The following LMNTD1 variants were observed in gnomAD, a reference collection of about 807,000 sequenced individuals.
LMNTD1 encodes the protein lamin tail domain containing 1.
Under a neutral mutation model 50.9 loss-of-function variants are expected in LMNTD1, and 35 were observed. The ratio of observed to expected loss-of-function variants is 0.69; its 90% CI spans 0.53 to 0.91. The LOEUF (loss-of-function observed/expected upper bound fraction) is 0.91, where lower values mean the gene tolerates loss of function less well. Ranked by LOEUF, LMNTD1 falls within the 40% of genes least tolerant of loss-of-function variation. The pLI, the probability that LMNTD1 is intolerant of heterozygous loss-of-function variation, is 0.00. For missense variants in LMNTD1, 470 were observed against 475.5 expected (o/e 0.99, Z 0.11); for synonymous variants, 153 against 161.9 (o/e 0.94, Z 0.42).
intron 9 of LMNTD1, among the ~76,000 whole-genome samples, chr12:25,489,249 A>G (rs1286249424): frequency 6.7e-6 from 1 of 150,092 alleles, no homozygotes; most frequent in Non-Finnish European, 1.5e-5. Flanking sequence ...TTGCAGTTTG[A>G]TCTCAGACTG....
chr12:25,509,831 C>T (rs1308094515), intron 8 of LMNTD1, among the ~76,000 whole-genome samples: 3 of 152,138 alleles, frequency 2.0e-5, no homozygotes, highest in African/African-American at 7.2e-5. Flanking sequence ...CAAGGAGTAT[C>T]AAGGAATGCC....
intron 8 of LMNTD1, among the ~76,000 whole-genome samples, chr12:25,504,763 G>A (rs1298145022): frequency 2.6e-5 from 4 of 152,130 alleles, no homozygotes; most frequent in Admixed American, 6.5e-5. Flanking sequence ...TGATTATCAC[G>A]GTAATTTTCT....
chr12:25,645,305 G>T (rs994336389), intron 1 of LMNTD1, among the ~76,000 whole-genome samples: 1 of 152,248 alleles, frequency 6.6e-6, no homozygotes, highest in East Asian at 1.9e-4. Context: ...GCAAGGTTTC[G>T]AGAGTAGTGA....
intron 6 of LMNTD1, among the ~76,000 whole-genome samples, chr12:25,521,364 G>C (rs1941308154): frequency 6.6e-6 from 1 of 152,060 alleles, no homozygotes; most frequent in Non-Finnish European, 1.5e-5. Context: ...CTTACGTTTA[G>C]GTCTTTTAGC....
intron 1 of LMNTD1, among the ~76,000 whole-genome samples, chr12:25,642,412 A>C (rs1201274897): frequency 2.6e-5 from 4 of 152,346 alleles, no homozygotes; most frequent in Admixed American, 6.5e-5. Flanking sequence ...GAGAAGACAG[A>C]CAGCCATCTA....
intron 1 of LMNTD1, among the ~76,000 whole-genome samples, chr12:25,612,476 A>G (rs887038357): frequency 1.2e-4 from 19 of 152,158 alleles, no homozygotes; most frequent in Non-Finnish European, 2.9e-5. Context: ...TCCTACTGCT[A>G]TTCAAGGCTT....
At chr12:25,505,019 A>G (rs1449788389) in intron 8 of LMNTD1, among the ~76,000 whole-genome samples, 1 of 152,236 alleles carries the variant, frequency 6.6e-6, no homozygotes, top group African/African-American at 2.4e-5. Flanking sequence ...CTAAGAACAA[A>G]GGTTTTCAAT....
intron 4 of LMNTD1, among the ~76,000 whole-genome samples, chr12:25,532,756 A>G (rs367706623): frequency 2.6e-5 from 4 of 152,248 alleles, no homozygotes; most frequent in South Asian, 2.1e-4. Flanking sequence ...CATTATCATT[A>G]TGGTTCTTAC....
intron 1 of LMNTD1, among the ~76,000 whole-genome samples, chr12:25,620,189 G>A (rs911176339): frequency 2.6e-5 from 4 of 152,128 alleles, no homozygotes; most frequent in African/African-American, 9.7e-5. Context: ...ACAAGTGATT[G>A]CGTTTTAGAT....
chr12:25,513,750 C>G (rs1565954771), intron 8 of LMNTD1, among the ~76,000 whole-genome samples: 2 of 151,266 alleles, frequency 1.3e-5, no homozygotes, highest in South Asian at 4.2e-4. Context: ...TAATTTTCCT[C>G]TTCTTTAAAA....
intron 1 of LMNTD1, among the ~76,000 whole-genome samples, chr12:25,633,188 A>G (rs117086889): frequency 0.02 from 3,102 of 152,282 alleles, 90 homozygotes; most frequent in Admixed American, 0.084. Flanking sequence ...AATTAATAAT[A>G]GACCTAAGAA....
At chr12:25,530,327 A>C (rs931323804) in intron 4 of LMNTD1, among the ~76,000 whole-genome samples, 2 of 152,148 alleles carry the variant, frequency 1.3e-5, no homozygotes, top group African/African-American at 2.4e-5. Context: ...ACTGTGATAA[A>C]ATTTATCCAT....
intron 4 of LMNTD1, 67 bp from the exon 5 acceptor site, chr12:25,527,022 A>G: frequency 2.7e-6 from 3 of 1,121,194 alleles, no homozygotes; most frequent in Non-Finnish European, 3.8e-6. Context: ...CACTTTAAGA[A>G]GTGATTAATA....
chr12:25,600,991 C>G (rs1268196251), intron 1 of LMNTD1, among the ~76,000 whole-genome samples: 3 of 151,862 alleles, frequency 2.0e-5, no homozygotes, highest in Non-Finnish European at 4.4e-5. Context: ...AAGGAGATAT[C>G]TGCACCCCCA....
At chr12:25,608,577 C>G (rs576020014) in intron 1 of LMNTD1, among the ~76,000 whole-genome samples, 1 of 152,320 alleles carries the variant, frequency 6.6e-6, no homozygotes, top group South Asian at 2.1e-4. Context: ...GATTTCATTT[C>G]TCCTTCACTT....
chr12:25,626,514 T>C (rs1372874478), intron 1 of LMNTD1, among the ~76,000 whole-genome samples: 2 of 152,204 alleles, frequency 1.3e-5, no homozygotes, highest in African/African-American at 2.4e-5. Context: ...GGGATTGTTA[T>C]GACTTTTTTT....
intron 9 of LMNTD1, among the ~76,000 whole-genome samples, chr12:25,502,457 C>T (rs759839328): frequency 6.6e-5 from 10 of 152,166 alleles, no homozygotes; most frequent in East Asian, 3.9e-4. Flanking sequence ...TCAGGATCTC[C>T]GGGAGCAAGG....
chr12:25,640,503 CA>C (rs199647514), intron 1 of LMNTD1, among the ~76,000 whole-genome samples: 7,728 of 113,336 alleles, frequency 0.068, 209 homozygotes, highest in Middle Eastern at 0.25. Flanking sequence ...GAGACTGTCT[CA>C]AAAAAAAAAA....
At chr12:25,602,812 G>C (rs922446763) in intron 1 of LMNTD1, among the ~76,000 whole-genome samples, 1 of 151,994 alleles carries the variant, frequency 6.6e-6, no homozygotes, top group Non-Finnish European at 1.5e-5. Flanking sequence ...AAAAAAATCA[G>C]CTGAAACAAA....
Sources: gnomAD v4.1 joint callset for allele counts (sites outside exome capture counted in the v4.1 genomes callset) on GRCh38, gnomAD v4.1.1 for gene constraint, MANE v1.5 for transcripts, NCBI Gene and HGNC (gene_info 2026-07-23, HGNC 2026-07-21) for gene names.